ELL: variants seen among roughly 807,000 people sequenced by gnomAD.
ELL encodes the protein RNA polymerase II elongation factor ELL.
Under a neutral mutation model 64.0 loss-of-function variants are expected in ELL, and 18 were observed. The observed-to-expected ratio is 0.28, with a 90% CI of 0.19 to 0.42. The LOEUF (loss-of-function observed/expected upper bound fraction) is 0.42, where lower values mean the gene tolerates loss of function less well. Among genes scored for constraint, ELL ranks in the 10% least tolerant of loss-of-function variants. The pLI, the probability that ELL is intolerant of heterozygous loss-of-function variation, is 1.00. For synonymous variants in ELL, 399 were observed against 376.2 expected, an observed-to-expected ratio of 1.06 and a Z score of -0.70; for missense variants, 797 against 870.4, an observed-to-expected ratio of 0.92 and a Z score of 1.06.
At chr19:18,474,771 A>AG (rs1975143555) in intron 1 of ELL, among the ~76,000 whole-genome samples, 8 of 152,104 alleles carry the variant, frequency 5.3e-5, no homozygotes, top group Admixed American at 4.6e-4. Context: ...ACTGCAGAGA[A>AG]CAGGGGACCT....
chr19:18,495,194 G>A (rs555826168), intron 1 of ELL, among the ~76,000 whole-genome samples: 2 of 151,962 alleles, frequency 1.3e-5, no homozygotes, highest in African/African-American at 4.8e-5. Flanking sequence ...GCCGAGAGCC[G>A]AGAGCAGAAG....
chr19:18,479,102 G>T (rs1376670929), intron 1 of ELL, among the ~76,000 whole-genome samples: 1 of 152,222 alleles, frequency 6.6e-6, no homozygotes, highest in African/African-American at 2.4e-5. Context: ...CAGTTTACAG[G>T]AAGTGTGGTG....
chr19:18,446,902 T>C (rs904596025), intron 8 of ELL, 88 bp from the exon 9 acceptor site: 85 of 1,390,662 alleles, frequency 6.1e-5, no homozygotes, highest in Non-Finnish European at 7.3e-5. Context: ...GCATGAAAAC[T>C]GTACACTTTG....
intron 1 of ELL, among the ~76,000 whole-genome samples, chr19:18,505,406 G>A (rs1327804933): frequency 6.6e-6 from 1 of 152,220 alleles, no homozygotes; most frequent in Non-Finnish European, 1.5e-5. Flanking sequence ...CCCAGCTACT[G>A]CCATTACTCA....
chr19:18,519,750 T>G (rs1462493698), intron 1 of ELL, among the ~76,000 whole-genome samples: 1 of 144,890 alleles, frequency 6.9e-6, no homozygotes, highest in Non-Finnish European at 1.5e-5. Context: ...GAAGCTGCAG[T>G]GAGCCGGGAT....
intron 1 of ELL, among the ~76,000 whole-genome samples, chr19:18,487,646 C>G (rs1432767639): frequency 6.6e-6 from 1 of 152,178 alleles, no homozygotes; most frequent in East Asian, 1.9e-4. Context: ...ATCTCTGGGA[C>G]GAGGACCCGT....
intron 1 of ELL, among the ~76,000 whole-genome samples, chr19:18,506,784 T>C (rs1203944354): frequency 4.0e-5 from 6 of 151,808 alleles, no homozygotes; most frequent in Non-Finnish European, 5.9e-5. Context: ...CACCTAGGAG[T>C]TCGTTACCCT....
At chr19:18,455,929 T>C (rs1974662991) in intron 6 of ELL, among the ~76,000 whole-genome samples, 1 of 151,768 alleles carries the variant, frequency 6.6e-6, no homozygotes, top group Non-Finnish European at 1.5e-5. Flanking sequence ...AGAAACCCCA[T>C]CTCTACTAAA....
At chr19:18,462,334 G>GGTGTGTGGGTGTGTGT (rs765676443) in intron 4 of ELL, among the ~76,000 whole-genome samples, 1 of 90,516 alleles carries the variant, frequency 1.1e-5, no homozygotes, top group African/African-American at 7.0e-5. Flanking sequence ...ACTCTAGTGG[G>GGTGTGTGGGTGTGTGT]CTGTGTGTGT....
intron 1 of ELL, among the ~76,000 whole-genome samples, chr19:18,475,098 T>C (rs887574503): frequency 6.6e-6 from 1 of 152,174 alleles, no homozygotes; most frequent in Non-Finnish European, 1.5e-5. Context: ...CACTCCAGCC[T>C]GGGCAACAGA....
At chr19:18,508,077 A>C (rs1975923882) in intron 1 of ELL, among the ~76,000 whole-genome samples, 1 of 152,250 alleles carries the variant, frequency 6.6e-6, no homozygotes, top group Non-Finnish European at 1.5e-5. Context: ...GGATTGATGC[A>C]GTCCCTGAGA....
chr19:18,459,478 G>C (rs997813598), intron 5 of ELL, among the ~76,000 whole-genome samples: 2 of 152,110 alleles, frequency 1.3e-5, no homozygotes, highest in Non-Finnish European at 2.9e-5. Context: ...GTTTTCTGCT[G>C]CATCTGACAT....
At chr19:18,486,551 C>G (rs983425315) in intron 1 of ELL, among the ~76,000 whole-genome samples, 1 of 152,180 alleles carries the variant, frequency 6.6e-6, no homozygotes, top group Non-Finnish European at 1.5e-5. Flanking sequence ...CTCAGAGACC[C>G]AGGCGGTTCT....
At chr19:18,473,255 G>A (rs1310865036) in intron 1 of ELL, 1 of 530,400 alleles carries the variant, frequency 1.9e-6, no homozygotes, top group Admixed American at 2.2e-5. Context: ...GGTGCTCACA[G>A]CCCTGCCAGG....
In ELL at chr19:18,465,473, C is replaced by G; in HGVS notation, c.408G>C (p.Gln136His). The G allele has an allele frequency of 6.2e-7, 1 of 1,612,842 alleles. No individual in the cohort carries two copies. Among genetic ancestry groups the G allele is most frequent in the Non-Finnish European group, 8.5e-7 (1 of 1,179,120 alleles). ...SYQKARQSMAQAEEETRSRSA... is the reference protein window; with the variant it reads ...SYQKARQSMAHAEEETRSRSA... Reference sequence around the variant, plus strand: ...TTCGGCTCCGCGTCTCCTCCTCCGCCTGGGCCATGCTCTGCCGCGCCTTCT... The same window carrying G: ...TTCGGCTCCGCGTCTCCTCCTCCGCGTGGGCCATGCTCTGCCGCGCCTTCT... Residue 136 changes from glutamine to histidine, a missense_variant, in exon 4 of 12, where the codon CAG (glutamine) becomes CAC (histidine). Coordinates refer to ENST00000262809, the MANE Select transcript of ELL (RefSeq NM_006532.4).
chr19:18,490,646 T>G (rs949992803), intron 1 of ELL, among the ~76,000 whole-genome samples: 1 of 152,176 alleles, frequency 6.6e-6, no homozygotes, highest in African/African-American at 2.4e-5. Flanking sequence ...AAATGCATGG[T>G]ATCTTCCCGG....
intron 4 of ELL, among the ~76,000 whole-genome samples, chr19:18,465,032 T>G (rs1431387335): frequency 6.6e-6 from 1 of 152,184 alleles, no homozygotes; most frequent in Non-Finnish European, 1.5e-5. Context: ...GGCCTTGCCC[T>G]AGGCTGCATG....
chr19:18,482,582 G>A (rs564521284), intron 1 of ELL, among the ~76,000 whole-genome samples: 6 of 151,806 alleles, frequency 4.0e-5, no homozygotes, highest in African/African-American at 1.2e-4. Context: ...AAGTGATTTC[G>A]GCCTCCCAAA....
intron 2 of ELL, among the ~76,000 whole-genome samples, chr19:18,467,243 C>T (rs1311771208): frequency 6.6e-6 from 1 of 152,138 alleles, no homozygotes; most frequent in Non-Finnish European, 1.5e-5. Flanking sequence ...GCCCGGCCTG[C>T]AGACCCTTCT....
Sources: allele counts gnomAD v4.1 joint callset (sites outside exome capture counted in the v4.1 genomes callset), GRCh38; gene constraint gnomAD v4.1.1; transcripts MANE v1.5; gene names NCBI Gene and HGNC (gene_info 2026-07-23, HGNC 2026-07-21).